SOX5: variants seen among roughly 807,000 people sequenced by gnomAD.
The protein encoded by SOX5 is transcription factor SOX-5.
SOX5 carries 9 observed loss-of-function variants against 92.0 expected under a neutral mutation model. The observed-to-expected ratio is 0.10, with a 90% CI of 0.06 to 0.17. The LOEUF (loss-of-function observed/expected upper bound fraction) is 0.17. SOX5 is among the 10% of genes least tolerant of loss of function. The pLI is 1.00. For synonymous variants in SOX5, 344 were observed against 336.3 expected (o/e 1.02, Z -0.25); for missense variants, 642 against 944.5 (o/e 0.68, Z 4.20).
intron 3 of SOX5, among the ~76,000 whole-genome samples, chr12:23,806,016 C>T (rs1022715643): frequency 6.6e-6 from 1 of 152,050 alleles, no homozygotes; most frequent in East Asian, 1.9e-4. Context: ...TAGGAATATG[C>T]TAAGATTTAG....
chr12:24,395,957 G>A (rs573836885), intron 1 of SOX5, among the ~76,000 whole-genome samples: 1 of 152,310 alleles, frequency 6.6e-6, no homozygotes, highest in Non-Finnish European at 1.5e-5. Flanking sequence ...TCTAAGAAGT[G>A]CATGCTGCTA....
intron 4 of SOX5, among the ~76,000 whole-genome samples, chr12:24,007,749 G>A (rs71436888): frequency 0.61 from 2,383 of 3,878 alleles, 1,127 homozygotes; most frequent in South Asian, 1. Flanking sequence ...ATATATTTAT[G>A]TATATAAATG....
At chr12:23,880,795 G>T (rs1042465577) in intron 2 of SOX5, among the ~76,000 whole-genome samples, 4 of 152,210 alleles carry the variant, frequency 2.6e-5, no homozygotes, top group African/African-American at 7.2e-5. Context: ...CTTACGGAAA[G>T]CAAAGAAATG....
chr12:23,709,714 T>C (rs2091846623), intron 6 of SOX5, among the ~76,000 whole-genome samples: 1 of 152,196 alleles, frequency 6.6e-6, no homozygotes, highest in Non-Finnish European at 1.5e-5. Flanking sequence ...GGAGGTTGTG[T>C]ATGGTATGTG....
At chr12:24,080,456 C>T (rs949824480) in intron 4 of SOX5, among the ~76,000 whole-genome samples, 9 of 151,990 alleles carry the variant, frequency 5.9e-5, no homozygotes, top group African/African-American at 2.2e-4. Context: ...TAACATCACG[C>T]TCTTAAAAAG....
chr12:24,320,989 C>T (rs1460287508), intron 2 of SOX5, among the ~76,000 whole-genome samples: 7 of 152,148 alleles, frequency 4.6e-5, no homozygotes, highest in African/African-American at 7.2e-5. Context: ...TCTAAATTCC[C>T]TACATAGAGT....
At chr12:24,376,878 A>T (rs1436437621) in intron 1 of SOX5, among the ~76,000 whole-genome samples, 2 of 139,924 alleles carry the variant, frequency 1.4e-5, no homozygotes, top group Admixed American at 7.1e-5. Context: ...AATTTTTTGA[A>T]TTTTTTTTTT....
chr12:23,950,014 TC>T (rs1848074196), upstream of SOX5, among the ~76,000 whole-genome samples: 1 of 151,572 alleles, frequency 6.6e-6, no homozygotes, highest in African/African-American at 2.4e-5. Context: ...TTAACACGTC[TC>T]CCATACTCTG....
intron 2 of SOX5, among the ~76,000 whole-genome samples, chr12:24,329,249 A>G (rs1010035195): frequency 1.3e-5 from 2 of 152,212 alleles, no homozygotes; most frequent in Non-Finnish European, 2.9e-5. Flanking sequence ...TCGGTAATTT[A>G]TAAAGAAAGG....
At chr12:24,385,958 T>G (rs1167430724) in intron 1 of SOX5, among the ~76,000 whole-genome samples, 1 of 139,834 alleles carries the variant, frequency 7.2e-6, no homozygotes, top group Non-Finnish European at 1.6e-5. Context: ...GAGAGAGATT[T>G]ATGTGGCATT....
chr12:24,145,503 C>T (rs2102016), intron 4 of SOX5, among the ~76,000 whole-genome samples: 56,784 of 151,862 alleles, frequency 0.37, 11,437 homozygotes, highest in East Asian at 0.8. Flanking sequence ...CACAATAACT[C>T]TTTTTTTCTT....
chr12:23,599,635 T>C (rs1455413009), intron 9 of SOX5, among the ~76,000 whole-genome samples: 1 of 152,206 alleles, frequency 6.6e-6, no homozygotes, highest in Non-Finnish European at 1.5e-5. Flanking sequence ...CTTAGGATTT[T>C]CCCAAGAGGT....
chr12:24,091,428 ATTTTTTTT>A (rs556198750), intron 4 of SOX5, among the ~76,000 whole-genome samples: 1 of 122,694 alleles, frequency 8.2e-6, no homozygotes, highest in Non-Finnish European at 1.6e-5. Flanking sequence ...AGAGAATGCT[ATTTTTTTT>A]TTTTTTTTTT....
chr12:23,747,467 A>G (rs990864337), intron 4 of SOX5, among the ~76,000 whole-genome samples: 11 of 152,090 alleles, frequency 7.2e-5, no homozygotes, highest in Non-Finnish European at 1.5e-4. Context: ...TCCTACCCTT[A>G]CAAAGCCCTG....
chr12:23,980,892 G>T (rs1949511822), intron 4 of SOX5, among the ~76,000 whole-genome samples: 1 of 152,118 alleles, frequency 6.6e-6, no homozygotes, highest in Non-Finnish European at 1.5e-5. Context: ...TCCTGGTTCT[G>T]CGTCCCCAGC....
intron 7 of SOX5, among the ~76,000 whole-genome samples, chr12:23,652,652 C>T (rs1326682921): frequency 6.6e-6 from 1 of 151,808 alleles, no homozygotes; most frequent in Admixed American, 6.6e-5. Context: ...CTTAGTGACA[C>T]TCAGTCACCC....
chr12:24,180,995 G>C (rs905122121), intron 4 of SOX5, among the ~76,000 whole-genome samples: 5 of 152,142 alleles, frequency 3.3e-5, no homozygotes, highest in Non-Finnish European at 7.4e-5. Context: ...TGATTCTGGT[G>C]TTTAAAGAGA....
At chr12:23,609,610 T>G (rs1249972271) in intron 8 of SOX5, among the ~76,000 whole-genome samples, 1 of 152,198 alleles carries the variant, frequency 6.6e-6, no homozygotes, top group Non-Finnish European at 1.5e-5. Flanking sequence ...ACCCATCATC[T>G]ATTCTCATTT....
chr12:24,409,542 C>A lies in SOX5; in HGVS notation c.-250-40903G>T, dbSNP rs867341047. Among the ~76,000 whole-genome samples the A allele has an allele frequency of 2.5e-4, 38 of 152,044 alleles. No individual in the cohort carries two copies. The Middle Eastern group carries it at 0.017, about 69-fold the overall frequency. On this transcript the variant is annotated intron_variant, in intron 1 of 4. Coordinates refer to the SOX5 transcript ENST00000446891. ...ACAGGTTTTTGTGTGAAAATGTTGT[C>A]TTTTCTCTGAGATAAATGTCCAGGA...
Sources: gnomAD v4.1 joint callset for allele counts (sites outside exome capture counted in the v4.1 genomes callset) on GRCh38, gnomAD v4.1.1 for gene constraint, MANE v1.5 for transcripts, NCBI Gene and HGNC (gene_info 2026-07-23, HGNC 2026-07-21) for gene names.